Variants in ANK2 observed in about 807,000 individuals in gnomAD.
The protein encoded by ANK2 is ankyrin-2.
In ANK2, 83 loss-of-function variants were observed where a neutral mutation model predicts 360.5. That is an observed-to-expected ratio of 0.23 (90% CI 0.19 to 0.28). ANK2 has a LOEUF of 0.28. Among genes scored for constraint, ANK2 ranks in the 10% least tolerant of loss-of-function variants. The pLI, the probability that ANK2 is intolerant of heterozygous loss-of-function variation, is 1.00. For missense variants in ANK2, 4,201 were observed against 4,795.7 expected (o/e 0.88, Z 3.66); for synonymous variants, 1,740 against 1,759.5 (o/e 0.99, Z 0.28).
chr4:113,116,207 T>C (rs77740860), intron 1 of ANK2, among the ~76,000 whole-genome samples: 2,943 of 152,318 alleles, frequency 0.019, 91 homozygotes, highest in African/African-American at 0.067. Context: ...GCTTTTCAAG[T>C]AAATTTGCAT....
the ANK2 span, among the ~76,000 whole-genome samples, chr4:112,745,785 G>C: frequency 6.6e-6 from 1 of 152,068 alleles, no homozygotes; most frequent in African/African-American, 2.4e-5. Flanking sequence ...CACCTGCCCT[G>C]GCCTCCCAAA....
chr4:112,808,998 A>C, the ANK2 span, among the ~76,000 whole-genome samples: 1 of 151,834 alleles, frequency 6.6e-6, no homozygotes, highest in East Asian at 2.0e-4. Flanking sequence ...AGCTGGGATT[A>C]CAGGTGTGTG....
At chr4:112,870,257 G>A (rs1030442411) in intron 1 of ANK2, among the ~76,000 whole-genome samples, 11 of 152,088 alleles carry the variant, frequency 7.2e-5, no homozygotes, top group African/African-American at 2.2e-4. Context: ...GCCTCCCAAA[G>A]TGCTGGGATT....
chr4:113,275,980 C>T lies in ANK2; in HGVS notation c.1683+1331C>T, dbSNP rs192047927. 2.7e-3 allele frequency among the ~76,000 whole-genome samples: 349 copies of T among 128,044 alleles called. 3 individuals carry two copies. Among genetic ancestry groups the T allele is most frequent in the Middle Eastern group, 0.014 (2 of 148 alleles). 84.0% of individuals were successfully genotyped at this position (128,044 alleles called of 152,430 possible). On this transcript the variant is annotated intron_variant, in intron 15 of 45. Coordinates refer to ENST00000357077, the MANE Select transcript of ANK2 (RefSeq NM_001148.6). ...TTTTTGAGACGGAGTCTCGCTCTGTCGCCCAGGCTGGAGTACAGTGGTGCG... is the reference window on the plus strand; with the variant it reads ...TTTTTGAGACGGAGTCTCGCTCTGTTGCCCAGGCTGGAGTACAGTGGTGCG...
At chr4:112,850,169 A>G (rs971706861) in intron 1 of ANK2, among the ~76,000 whole-genome samples, 1 of 152,114 alleles carries the variant, frequency 6.6e-6, no homozygotes, top group Admixed American at 6.6e-5. Flanking sequence ...CTTGGACTGA[A>G]GGGCATCAAT....
rs1206765713 is a variant in ANK2 at position 113,026,224 on chromosome 4, A to G, written c.21+121710A>G. Reference sequence around the variant, plus strand: ...CTATCTGTTGTCATGTAGGAATGGGAGCACAATATTGACAGACTGGAGTTT... The same window carrying G: ...CTATCTGTTGTCATGTAGGAATGGGGGCACAATATTGACAGACTGGAGTTT... On this transcript the variant is annotated intron_variant, in intron 2 of 30. Coordinates refer to the ANK2 transcript ENST00000503271. 2.6e-5 allele frequency among the ~76,000 whole-genome samples: 4 copies of G among 152,282 alleles called. No homozygotes were observed. In the East Asian group the frequency reaches 5.8e-4, roughly 22 times the overall value.
chr4:112,991,849 GT>G (rs78414072), intron 2 of ANK2, among the ~76,000 whole-genome samples: 74 of 146,042 alleles, frequency 5.1e-4, no homozygotes, highest in East Asian at 4.6e-3. Context: ...GTTCAGCCAA[GT>G]TTTTTTTTTT....
At chr4:112,926,359 C>G (rs932116202) in intron 2 of ANK2, among the ~76,000 whole-genome samples, 2 of 152,148 alleles carry the variant, frequency 1.3e-5, no homozygotes, top group African/African-American at 4.8e-5. Context: ...TAAAAAAGAT[C>G]TTTTCCTGTC....
At position 113,273,915 on chromosome 4, in the gene ANK2, C is replaced by A. The variant is rs373795799; in HGVS notation, c.1486-537C>A. 6.6e-5 allele frequency among the ~76,000 whole-genome samples: 10 copies of A among 152,258 alleles called. No individual in the cohort carries two copies. In the East Asian group the frequency reaches 1.5e-3, roughly 24 times the overall value. On this transcript the variant is annotated intron_variant, in intron 14 of 45. Transcript: ENST00000357077. ...CTATCTACAGCATTTTCTGAAACAT[C>A]TTTTAAAACCAGATTACAATATCTT...
Position 113,355,736 on chromosome 4 carries a change from C to T in ANK2, c.7118C>T (p.Thr2373Ile). 6.2e-7 allele frequency: 1 copy of T among 1,614,144 alleles called. No individual in the cohort carries two copies. The highest frequency in any genetic ancestry group is 2.2e-5 in the East Asian group (1 of 44,874). Residue 2373 changes from threonine (T) to isoleucine (I), a missense_variant, in exon 38 of 46, where the codon ACA (threonine) becomes ATA (isoleucine). Transcript: ENST00000357077. ...TQTDSEVQES[T>I]ATSDETKALP... ...ACTGATAGTGAGGTTCAAGAATCCA[C>T]AGCCACCTCAGACGAGACAAAGGCC...
At position 113,274,616 on chromosome 4, in the gene ANK2, G is replaced by A. The variant is rs2153689027; in HGVS notation, c.1650G>A (p.Leu550=). The change falls in exon 15 of 46, where the codon TTG becomes TTA. Residue 550 remains leucine (L), a synonymous_variant. Transcript: ENST00000357077. ...AGGTGGATGTGGCATCAGTCCTATT[G>A]GAAGCAGGAGCAGCCCACTCCTTAG... The part of the protein sequence containing the change: ...EGQVDVASVL[L]EAGAAHSLAT... 2 of 1,614,178 alleles carry A rather than the reference G, an allele frequency of 1.2e-6. No individual in the cohort carries two copies. Among genetic ancestry groups the A allele is most frequent in the Non-Finnish European group, 1.7e-6 (2 of 1,180,036 alleles).
intron 1 of ANK2, among the ~76,000 whole-genome samples, chr4:113,120,151 A>G (rs17626485): frequency 0.17 from 25,265 of 152,120 alleles, 2,149 homozygotes; most frequent in African/African-American, 0.18. Flanking sequence ...CCGAATATCT[A>G]TTGTATGTGT....
chr4:113,019,428 A>G (rs1306753358), intron 2 of ANK2, among the ~76,000 whole-genome samples: 2 of 152,194 alleles, frequency 1.3e-5, no homozygotes, highest in Non-Finnish European at 2.9e-5. Context: ...GATCATATGG[A>G]CAGAAATAAA....
intron 18 of ANK2, among the ~76,000 whole-genome samples, chr4:113,285,448 C>T (rs2064074496): frequency 1.3e-5 from 2 of 152,146 alleles, no homozygotes. Flanking sequence ...CAGGACACTC[C>T]CTTTGAGTTC....
rs186874259 is a variant in ANK2 at position 113,133,799 on chromosome 4, G to A, written c.85-40617G>A. Among the ~76,000 whole-genome samples, 600 of 152,178 alleles carry A rather than the reference G, an allele frequency of 3.9e-3. 22 individuals carry two copies. Among genetic ancestry groups the A allele is most frequent in the Admixed American group, 0.033 (506 of 15,282 alleles). On this transcript the variant is annotated intron_variant, in intron 1 of 45. Coordinates refer to ENST00000357077, the MANE Select transcript of ANK2 (RefSeq NM_001148.6). ...GATTATAACTCCCTTTTGTCCAATG[G>A]AAAAAGTGAGGTTTAAGAAGGAAGG...
chr4:113,307,578 T>G (rs2077852392), intron 23 of ANK2, among the ~76,000 whole-genome samples: 1 of 152,062 alleles, frequency 6.6e-6, no homozygotes, highest in African/African-American at 2.4e-5. Flanking sequence ...AATTTTTGTA[T>G]TTTTAGTAGA....
At chr4:112,855,765 AGGCTCACTCCAGAGTCCATGTCTG>A (rs2066242334) in intron 1 of ANK2, among the ~76,000 whole-genome samples, 1 of 152,208 alleles carries the variant, frequency 6.6e-6, no homozygotes, top group Non-Finnish European at 1.5e-5. Context: ...AGAATCAGGC[AGGCTCACTCCAGAGTCCATGTCTG>A]GATATGGCTT....
intron 1 of ANK2, among the ~76,000 whole-genome samples, chr4:112,902,635 A>G (rs943285433): frequency 2.0e-5 from 3 of 152,224 alleles, no homozygotes; most frequent in African/African-American, 7.2e-5. Flanking sequence ...GTACTAAGAC[A>G]CAGAGAGGAT....
chr4:112,839,748 A>C (rs926994018), intron 1 of ANK2, among the ~76,000 whole-genome samples: 1 of 152,234 alleles, frequency 6.6e-6, no homozygotes, highest in African/African-American at 2.4e-5. Flanking sequence ...TTCAGATGTC[A>C]ATGACCAGCT....
Sources: allele counts gnomAD v4.1 joint callset (sites outside exome capture counted in the v4.1 genomes callset), GRCh38; gene constraint gnomAD v4.1.1; transcripts MANE v1.5; gene names NCBI Gene and HGNC (gene_info 2026-07-23, HGNC 2026-07-21).